Variants in PGAP3 observed in about 807,000 individuals in gnomAD.
The protein encoded by PGAP3 is post-GPI attachment to proteins phospholipase 3.
A neutral mutation model predicts 40.3 loss-of-function variants in PGAP3; 31 were observed. The ratio of observed to expected loss-of-function variants is 0.77; its 90% CI spans 0.58 to 1.04. The LOEUF (loss-of-function observed/expected upper bound fraction) is 1.04, where lower values mean the gene tolerates loss of function less well. PGAP3 is among the 50% of genes least tolerant of loss of function. The pLI is 0.00. For missense variants in PGAP3, 413 were observed against 423.0 expected, an observed-to-expected ratio of 0.98 and a Z score of 0.21; for synonymous variants, 191 against 184.5, an observed-to-expected ratio of 1.04 and a Z score of -0.29.
intron 1 of PGAP3, among the ~76,000 whole-genome samples, chr17:39,686,555 A>ATT (rs35277523): frequency 0.016 from 1,575 of 98,368 alleles, 60 homozygotes; most frequent in African/African-American, 0.029. Context: ...CGCACCCGGC[A>ATT]TTTTTTTTTT....
chr17:39,681,812 A>G (rs547036477), intron 3 of PGAP3, among the ~76,000 whole-genome samples: 1 of 152,030 alleles, frequency 6.6e-6, no homozygotes, highest in South Asian at 2.1e-4. Context: ...TTGATCTTCA[A>G]ACTGAAACTT....
At chr17:39,676,254 AG>A (rs1202858962) in intron 3 of PGAP3, among the ~76,000 whole-genome samples, 1 of 152,224 alleles carries the variant, frequency 6.6e-6, no homozygotes, top group African/African-American at 2.4e-5. Context: ...CTGGCAGGCC[AG>A]GAACAGGGAC....
rs1312756265 is a variant in PGAP3, at chr17:39,673,297, C to T, written c.695-42G>A. On this transcript the variant is annotated intron_variant, in intron 6 of 7. Coordinates refer to ENST00000300658, the MANE Select transcript of PGAP3 (RefSeq NM_033419.5). The stretch of plus-strand genomic sequence containing the variant: ...GCAGGAGAGACTCATTCCTTCGGCT[C>T]CTTCTCCCCAAGGCCACCCCCAACT... 8 of 1,556,022 alleles carry T rather than the reference C, an allele frequency of 5.1e-6. No homozygotes were observed. The East Asian group carries it at 1.9e-4, about 38-fold the overall frequency.
chr17:39,674,632 G>A lies in PGAP3; in HGVS notation c.480C>T (p.Asp160=). 1 of 1,551,278 alleles carries A rather than the reference G, an allele frequency of 6.4e-7. No individual in the cohort carries two copies. The highest frequency in any genetic ancestry group is 8.7e-7 in the Non-Finnish European group (1 of 1,146,652). ...GAATGCTCACCTCTGTGAGGTCAGT[G>A]TCCCTGGTGTGGAAAACTGTGGACC... ...WFWSTVFHTR[D]TDLTEKMDYF... Residue 160 remains aspartate (D), a synonymous_variant, in exon 4 of 8, where the codon GAC becomes GAT. Transcript: ENST00000300658.
chr17:39,684,791 C>A, intron 2 of PGAP3, 42 bp from the exon 3 acceptor site: 1 of 1,524,128 alleles, frequency 6.6e-7, no homozygotes. Flanking sequence ...GGGCAGGCAA[C>A]CCTCAACTGG....
intron 1 of PGAP3, 84 bp downstream of exon 1, chr17:39,687,750 T>C (rs1308725725): frequency 9.0e-7 from 1 of 1,113,566 alleles, no homozygotes; most frequent in Admixed American, 4.1e-5. Flanking sequence ...GAAACTAAGG[T>C]TCAGGGATTG....
Position 39,680,285 on chromosome 17 carries a change from T to C in PGAP3, c.432+4312A>G, listed in dbSNP as rs73985211. On this transcript the variant is annotated intron_variant, in intron 3 of 7. Coordinates refer to ENST00000300658, the MANE Select transcript of PGAP3 (RefSeq NM_033419.5). ...TAGCTGTGCATTTTGGGCAAGTTTT[T>C]TTCCCCTCTGAATCTAACTCAGAGC... Among the ~76,000 whole-genome samples, 478 of 152,328 alleles carry C rather than the reference T, an allele frequency of 3.1e-3. 2 individuals carry two copies. Among genetic ancestry groups the C allele is most frequent in the African/African-American group, 0.011 (449 of 41,570 alleles).
At chr17:39,684,511 A>G in intron 3 of PGAP3, 86 bp downstream of exon 3, 1 of 1,419,786 alleles carries the variant, frequency 7.0e-7, no homozygotes, top group Non-Finnish European at 9.5e-7. Flanking sequence ...GCTGGTAAGT[A>G]GAAGCCCTGT....
At chr17:39,676,912 G>A (rs1312680927) in intron 3 of PGAP3, among the ~76,000 whole-genome samples, 1 of 152,202 alleles carries the variant, frequency 6.6e-6, no homozygotes, top group Admixed American at 6.5e-5. Flanking sequence ...TGAGGCCTAA[G>A]AGGATGTCTG....
chr17:39,683,806 G>T (rs1027082675), intron 3 of PGAP3, among the ~76,000 whole-genome samples: 31 of 152,086 alleles, frequency 2.0e-4, no homozygotes, highest in African/African-American at 7.2e-4. Context: ...AACCATACCT[G>T]GGCTTCTCCA....
chr17:39,682,761 C>G (rs561944553), intron 3 of PGAP3, among the ~76,000 whole-genome samples: 1 of 152,226 alleles, frequency 6.6e-6, no homozygotes, highest in African/African-American at 2.4e-5. Context: ...CATGAAACAA[C>G]TTTTCTCCTC....
At position 39,687,782 on chromosome 17, in the gene PGAP3, G is replaced by T; in HGVS notation, c.181+52C>A. 4 of 1,284,582 alleles carry T rather than the reference G, an allele frequency of 3.1e-6. No homozygotes were observed. The South Asian group carries it at 9.8e-5, about 31-fold the overall frequency. The allele number at this position is 1,284,582 out of a possible 1,614,324, so 79.6% of individuals were successfully genotyped here. ...ATTGCAGAGGCGTATTGGGGGCGCAGGGGGCGGGAGCAAGACAAATGGGCG... is the reference window on the plus strand; with the variant it reads ...ATTGCAGAGGCGTATTGGGGGCGCATGGGGCGGGAGCAAGACAAATGGGCG... On this transcript the variant is annotated intron_variant, in intron 1 of 7. Coordinates refer to ENST00000300658, the MANE Select transcript of PGAP3 (RefSeq NM_033419.5).
At chr17:39,684,346 G>A (rs906186330) in intron 3 of PGAP3, among the ~76,000 whole-genome samples, 1 of 152,032 alleles carries the variant, frequency 6.6e-6, no homozygotes, top group Admixed American at 6.6e-5. Context: ...CCTTCTTCAG[G>A]ACAAGAAAAA....
At chr17:39,678,278 T>C (rs996304462) in intron 3 of PGAP3, among the ~76,000 whole-genome samples, 8 of 152,150 alleles carry the variant, frequency 5.3e-5, no homozygotes, top group Non-Finnish European at 1.0e-4. Context: ...CACAAACCAC[T>C]CTACAGAGAT....
At chr17:39,681,395 C>A (rs1295365831) in intron 3 of PGAP3, among the ~76,000 whole-genome samples, 1 of 152,166 alleles carries the variant, frequency 6.6e-6, no homozygotes, top group Non-Finnish European at 1.5e-5. Flanking sequence ...TACCTATAAG[C>A]TGCGTTAAAC....
chr17:39,682,848 G>A (rs2057460059), intron 3 of PGAP3, among the ~76,000 whole-genome samples: 1 of 152,126 alleles, frequency 6.6e-6, no homozygotes, highest in African/African-American at 2.4e-5. Context: ...GGAGGGTGAG[G>A]TGGGCGGATC....
intron 3 of PGAP3, among the ~76,000 whole-genome samples, chr17:39,681,060 T>A (rs1232400908): frequency 6.6e-6 from 1 of 152,140 alleles, no homozygotes; most frequent in African/African-American, 2.4e-5. Flanking sequence ...GAGACGGGGT[T>A]TCACCATGTT....
chr17:39,682,674 A>G (rs1318602200), intron 3 of PGAP3, among the ~76,000 whole-genome samples: 2 of 152,172 alleles, frequency 1.3e-5, no homozygotes, highest in African/African-American at 2.4e-5. Context: ...CAACTGGTCT[A>G]CTGCATCCAC....
intron 1 of PGAP3, among the ~76,000 whole-genome samples, chr17:39,686,962 G>A (rs2057548165): frequency 6.6e-6 from 1 of 152,082 alleles, no homozygotes; most frequent in Non-Finnish European, 1.5e-5. Flanking sequence ...TGAAAATGAA[G>A]CCCAAATTCT....
Sources: gnomAD v4.1 joint callset for allele counts (sites outside exome capture counted in the v4.1 genomes callset) on GRCh38, gnomAD v4.1.1 for gene constraint, MANE v1.5 for transcripts, NCBI Gene and HGNC (gene_info 2026-07-23, HGNC 2026-07-21) for gene names.